Variants in FRMD6 observed in about 807,000 individuals in gnomAD.
The protein encoded by FRMD6 is FERM domain-containing protein 6.
A neutral mutation model predicts 73.2 loss-of-function variants in FRMD6; 37 were observed. That is an observed-to-expected ratio of 0.51 (90% CI 0.39 to 0.66). The LOEUF (loss-of-function observed/expected upper bound fraction) is 0.66. FRMD6 is among the 30% of genes least tolerant of loss of function. FRMD6 has a pLI of 0.00. For synonymous variants in FRMD6, 273 were observed against 282.2 expected, an observed-to-expected ratio of 0.97 and a Z score of 0.33; for missense variants, 714 against 780.5, an observed-to-expected ratio of 0.91 and a Z score of 1.02.
At chr14:51,639,447 T>A (rs544152071) in intron 2 of FRMD6, among the ~76,000 whole-genome samples, 145 of 147,868 alleles carry the variant, frequency 9.8e-4, no homozygotes, top group Middle Eastern at 3.4e-3. Flanking sequence ...AAAAAAAAAA[T>A]AATTATTATT....
chr14:51,711,803 A>G (rs373162853), intron 8 of FRMD6, among the ~76,000 whole-genome samples: 2 of 152,058 alleles, frequency 1.3e-5, no homozygotes, highest in Non-Finnish European at 2.9e-5. Context: ...ACAGAAAACA[A>G]TAAGTAATAA....
intron 1 of FRMD6, among the ~76,000 whole-genome samples, chr14:51,678,554 C>T (rs1471808696): frequency 1.3e-5 from 2 of 152,054 alleles, no homozygotes; most frequent in Non-Finnish European, 2.9e-5. Flanking sequence ...CGTAAAGGAA[C>T]ATAATTTTTA....
At position 51,728,219 on chromosome 14, in the gene FRMD6, A is replaced by G. The variant is rs1462768970; in HGVS notation, c.*190A>G. On this transcript the variant is annotated 3_prime_UTR_variant, in exon 14 of 14. Transcript: ENST00000344768. Reference sequence around the variant, plus strand: ...TTTAAGTATTACACAGAAGTAAAAGAACTACAGAAAATGTACAGCAAGACA... The same window carrying G: ...TTTAAGTATTACACAGAAGTAAAAGGACTACAGAAAATGTACAGCAAGACA... The G allele has an allele frequency of 3.5e-6, 2 of 579,580 alleles. No individual in the cohort carries two copies. Among genetic ancestry groups the G allele is most frequent in the East Asian group, 5.7e-5 (2 of 35,186 alleles). 35.9% of individuals were successfully genotyped at this position (579,580 alleles called of 1,614,324 possible).
chr14:51,607,252 C>A (rs867358296), intron 2 of FRMD6, among the ~76,000 whole-genome samples: 2 of 152,270 alleles, frequency 1.3e-5, no homozygotes, highest in South Asian at 4.2e-4. Context: ...GGGGTGACCA[C>A]CCTTTCTTCA....
intron 1 of FRMD6, among the ~76,000 whole-genome samples, chr14:51,570,004 A>C (rs1349449218): frequency 1.3e-5 from 2 of 151,880 alleles, no homozygotes; most frequent in South Asian, 2.1e-4. Flanking sequence ...TTTAGTAGAG[A>C]CGGGGTTTCA....
chr14:51,481,448 C>G, the FRMD6 span, among the ~76,000 whole-genome samples: 1 of 152,154 alleles, frequency 6.6e-6, no homozygotes, highest in Non-Finnish European at 1.5e-5. Context: ...ATGGGGGAAC[C>G]GCCCCCATGA....
the FRMD6 span, among the ~76,000 whole-genome samples, chr14:51,457,311 T>G: frequency 6.7e-6 from 1 of 149,736 alleles, no homozygotes; most frequent in East Asian, 2.0e-4. Context: ...ACATAGGCAA[T>G]AACAAATAAA....
chr14:51,551,267 A>G (rs1386542443), intron 1 of FRMD6, among the ~76,000 whole-genome samples: 1 of 152,230 alleles, frequency 6.6e-6, no homozygotes, highest in East Asian at 1.9e-4. Context: ...TACTTTTGGC[A>G]TTTTTGACAC....
chr14:51,405,130 T>C, the FRMD6 span, among the ~76,000 whole-genome samples: 1 of 152,320 alleles, frequency 6.6e-6, no homozygotes, highest in Non-Finnish European at 1.5e-5. Context: ...GGTGGTATAG[T>C]ATTCCATGGT....
At chr14:51,407,543 A>G in the FRMD6 span, among the ~76,000 whole-genome samples, 2 of 151,908 alleles carry the variant, frequency 1.3e-5, no homozygotes, top group African/African-American at 4.8e-5. Context: ...TGGGTATAGA[A>G]TCATTTAACT....
chr14:51,477,618 A>G, the FRMD6 span, among the ~76,000 whole-genome samples: 78 of 152,332 alleles, frequency 5.1e-4, no homozygotes, highest in African/African-American at 1.9e-3. Flanking sequence ...TAAGTATTAT[A>G]AACTTTAAAT....
At chr14:51,704,475 C>T (rs1036333766) in intron 5 of FRMD6, 3 of 362,820 alleles carry the variant, frequency 8.3e-6, no homozygotes, top group Admixed American at 4.2e-5. Context: ...ATGATTCAGA[C>T]CTTTTTCTTC....
At chr14:51,462,514 G>A in the FRMD6 span, among the ~76,000 whole-genome samples, 1 of 152,098 alleles carries the variant, frequency 6.6e-6, no homozygotes, top group South Asian at 2.1e-4. Flanking sequence ...CTGGGCTTCT[G>A]TGCAGCAATT....
the FRMD6 span, among the ~76,000 whole-genome samples, chr14:51,408,874 G>A: frequency 3.3e-5 from 5 of 152,168 alleles, no homozygotes; most frequent in East Asian, 9.7e-4. Flanking sequence ...GGATCCAAAT[G>A]GTTTTCATCA....
At chr14:51,594,091 C>T (rs1178515488) in intron 2 of FRMD6, among the ~76,000 whole-genome samples, 1 of 152,042 alleles carries the variant, frequency 6.6e-6, no homozygotes, top group Non-Finnish European at 1.5e-5. Context: ...ATACCCCCTC[C>T]AGAGATTTAC....
the FRMD6 span, among the ~76,000 whole-genome samples, chr14:51,421,954 T>C: frequency 2.0e-5 from 3 of 152,176 alleles, no homozygotes; most frequent in African/African-American, 4.8e-5. Context: ...GGAAGTAGGG[T>C]TCAGGGGAGC....
intron 1 of FRMD6, among the ~76,000 whole-genome samples, chr14:51,526,613 A>G (rs1885269791): frequency 6.6e-6 from 1 of 152,116 alleles, no homozygotes. Context: ...AGCCTCTTAC[A>G]CTAAATTCTT....
In FRMD6 at chr14:51,712,507, CT is replaced by C; in HGVS notation, c.808del (p.Tyr270MetfsTer48). The C allele has an allele frequency of 1.9e-6, 3 of 1,599,914 alleles. No individual in the cohort carries two copies. Among genetic ancestry groups the C allele is most frequent in the Non-Finnish European group, 2.6e-6 (3 of 1,167,872 alleles). On this transcript the variant is annotated frameshift_variant, in exon 9 of 14. Transcript: ENST00000344768. LOFTEE classifies it high-confidence loss of function. ...FQNLDEEKQL[L>X]YDFPWTNVGK... ...GAATTTAGATGAAGAGAAACAATTA[CT>C]TTATGATTTCCCCTGGACAAATGTT...
upstream of FRMD6, chr14:51,649,484 G>T (rs2140072625): frequency 6.6e-6 from 1 of 152,108 alleles, no homozygotes; most frequent in African/African-American, 2.4e-5. Flanking sequence ...TTTGATTCAT[G>T]AAACCTGAAA....
Sources: gnomAD v4.1 joint callset for allele counts (sites outside exome capture counted in the v4.1 genomes callset) on GRCh38, gnomAD v4.1.1 for gene constraint, MANE v1.5 for transcripts, NCBI Gene and HGNC (gene_info 2026-07-23, HGNC 2026-07-21) for gene names.